METTL16: variants seen among roughly 807,000 people sequenced by gnomAD.
METTL16 encodes the protein RNA N(6)-adenosine-methyltransferase METTL16.
METTL16 carries 19 observed loss-of-function variants against 57.9 expected under a neutral mutation model. That is an observed-to-expected ratio of 0.33 (90% CI 0.23 to 0.48). The LOEUF (loss-of-function observed/expected upper bound fraction) is 0.48. Among genes scored for constraint, METTL16 ranks in the 20% least tolerant of loss-of-function variants. The pLI, the probability that METTL16 is intolerant of heterozygous loss-of-function variation, is 0.99. For synonymous variants in METTL16, 246 were observed against 255.6 expected (o/e 0.96, Z 0.36); for missense variants, 434 against 691.5 (o/e 0.63, Z 4.18).
At chr17:2,492,413 A>G (rs2067405294) in intron 2 of METTL16, among the ~76,000 whole-genome samples, 1 of 152,116 alleles carries the variant, frequency 6.6e-6, no homozygotes, top group Non-Finnish European at 1.5e-5. Context: ...AAGATATCAG[A>G]GTAGCAATCC....
chr17:2,428,602 T>TATTAAA lies in METTL16; in HGVS notation c.889-7699_889-7698insTTTAAT, dbSNP rs376112549. 3.3e-3 allele frequency among the ~76,000 whole-genome samples: 317 copies of TATTAAA among 94,926 alleles called. 21 individuals carry two copies. Among genetic ancestry groups the TATTAAA allele is most frequent in the African/African-American group, 7.3e-3 (156 of 21,410 alleles). The allele number at this position is 94,926 out of a possible 152,430, so 62.3% of individuals were successfully genotyped here. On this transcript the variant is annotated intron_variant, in intron 8 of 9. Coordinates refer to ENST00000263092, the MANE Select transcript of METTL16 (RefSeq NM_024086.4). ...ATATATATATATATATATATATATA[T>TATTAAA]AAATTGTAATACAGCGGGGCACAGT...
At chr17:2,436,746 G>C in intron 8 of METTL16, 1 of 151,986 alleles carries the variant, frequency 6.6e-6, no homozygotes, top group Non-Finnish European at 1.5e-5. Flanking sequence ...ACCTGGGAGG[G>C]AACTGTGAGA....
rs1448179366 is a variant in METTL16, at chr17:2,417,483, C to CTTCA, written c.*2483_*2486dup. The CTTCA allele has an allele frequency of 2.0e-5, 3 of 152,322 alleles. No homozygotes were observed. The East Asian group carries it at 5.8e-4, about 29-fold the overall frequency. 9.4% of individuals were successfully genotyped at this position (152,322 alleles called of 1,614,324 possible). ...CTGAGACACAGAAACACCTTCTGTG[C>CTTCA]TTCAATACACAGAGCATTCTCTGGA... On this transcript the variant is annotated 3_prime_UTR_variant, in exon 10 of 10. Transcript: ENST00000263092.
At chr17:2,498,761 T>TGGATGA (rs758886974) in intron 2 of METTL16, among the ~76,000 whole-genome samples, 4 of 151,412 alleles carry the variant, frequency 2.6e-5, no homozygotes, top group Admixed American at 6.6e-5. Context: ...AAAACTTTAG[T>TGGATGA]GGATGAGGAT....
In METTL16 at chr17:2,434,587, T is replaced by A. The variant is rs151295000; in HGVS notation, c.888+3522A>T. ...AATAATGATAAAAGCAGATGAGCTC[T>A]TTAAAATGAGAGGGAGGTCTCAAGT... is the stretch of plus-strand genomic sequence containing the variant. On this transcript the variant is annotated intron_variant, in intron 8 of 9. Coordinates refer to ENST00000263092, the MANE Select transcript of METTL16 (RefSeq NM_024086.4). Among the ~76,000 whole-genome samples, 6 of 152,328 alleles carry A rather than the reference T, an allele frequency of 3.9e-5. No homozygotes were observed. In the East Asian group the frequency reaches 1.2e-3, roughly 29 times the overall value.
At chr17:2,494,054 CTTTT>C (rs987253500) in intron 2 of METTL16, among the ~76,000 whole-genome samples, 1 of 152,106 alleles carries the variant, frequency 6.6e-6, no homozygotes, top group Admixed American at 6.5e-5. Flanking sequence ...AATTTCTTTT[CTTTT>C]TGTTTTTGAC....
chr17:2,447,772 C>A (rs1412001757), intron 6 of METTL16, among the ~76,000 whole-genome samples: 1 of 131,052 alleles, frequency 7.6e-6, no homozygotes, highest in Non-Finnish European at 1.6e-5. Context: ...CAGCCCCCCG[C>A]CCGGCCAGCC....
intron 4 of METTL16, among the ~76,000 whole-genome samples, chr17:2,471,478 G>A (rs1367900615): frequency 2.0e-5 from 3 of 152,116 alleles, no homozygotes; most frequent in Admixed American, 2.0e-4. Context: ...CAACAGTACT[G>A]TATACCATTC....
chr17:2,485,283 TAGCTGAGGGGAAACA>T (rs1454935887), intron 2 of METTL16, among the ~76,000 whole-genome samples: 1 of 152,216 alleles, frequency 6.6e-6, no homozygotes, highest in Admixed American at 6.5e-5. Context: ...TGGGACCGTC[TAGCTGAGGGGAAACA>T]AGCTGCGGGA....
intron 8 of METTL16, among the ~76,000 whole-genome samples, chr17:2,428,412 A>T (rs2066835663): frequency 6.6e-6 from 1 of 151,074 alleles, no homozygotes; most frequent in Non-Finnish European, 1.5e-5. Flanking sequence ...GCCTCAGTAG[A>T]GATAGTAAGT....
chr17:2,454,292 G>C (rs1323098223), intron 6 of METTL16, among the ~76,000 whole-genome samples: 1 of 152,102 alleles, frequency 6.6e-6, no homozygotes, highest in Non-Finnish European at 1.5e-5. Context: ...CAGGAAAGCA[G>C]AGGTTTGGGG....
rs371683262 is a variant in METTL16, at chr17:2,442,495, G to GA, written c.729-937dup. On this transcript the variant is annotated intron_variant, in intron 6 of 9. Coordinates refer to ENST00000263092, the MANE Select transcript of METTL16 (RefSeq NM_024086.4). ...TGAAACCCAAGTAAGAAGAAGAAAG[G>GA]AAAAAAAAAAAGATTAGAGCAGAAA... Among the ~76,000 whole-genome samples the GA allele has an allele frequency of 4.9e-3, 697 of 141,302 alleles. 6 individuals carry two copies. The highest frequency in any genetic ancestry group is 0.022 in the Middle Eastern group (6 of 270). 92.7% of individuals were successfully genotyped at this position (141,302 alleles called of 152,430 possible).
chr17:2,451,989 T>C (rs917439726), intron 6 of METTL16, among the ~76,000 whole-genome samples: 1 of 151,822 alleles, frequency 6.6e-6, no homozygotes, highest in African/African-American at 2.4e-5. Context: ...CTACAAAAAA[T>C]AGCTGGGCAT....
intron 6 of METTL16, among the ~76,000 whole-genome samples, chr17:2,447,455 GGT>G (rs2067010644): frequency 7.4e-6 from 1 of 135,490 alleles, no homozygotes; most frequent in Non-Finnish European, 1.6e-5. Context: ...AGGTGGGGGG[GGT>G]CAGCCCCCCG....
chr17:2,467,581 A>G (rs914454389), intron 5 of METTL16, among the ~76,000 whole-genome samples, 180 bp downstream of exon 5: 19 of 152,090 alleles, frequency 1.2e-4, no homozygotes, highest in African/African-American at 4.6e-4. Context: ...ATGGGCCATG[A>G]CGCCTGGCTA....
chr17:2,495,098 C>T (rs2067433051), intron 2 of METTL16, among the ~76,000 whole-genome samples: 1 of 150,930 alleles, frequency 6.6e-6, no homozygotes, highest in South Asian at 2.1e-4. Flanking sequence ...GCCTGTAATC[C>T]CAATACTTTC....
chr17:2,509,538 C>A (rs963388691), intron 1 of METTL16, among the ~76,000 whole-genome samples: 1 of 152,052 alleles, frequency 6.6e-6, no homozygotes, highest in East Asian at 1.9e-4. Flanking sequence ...CACAGTGAGA[C>A]CCTGTCTCAA....
intron 8 of METTL16, among the ~76,000 whole-genome samples, chr17:2,433,485 A>G (rs528600877): frequency 3.9e-5 from 6 of 152,306 alleles, no homozygotes; most frequent in Non-Finnish European, 7.3e-5. Context: ...TCCATAAGCA[A>G]GATGTGAGGC....
chr17:2,511,316 TAA>T (rs1017295403), intron 1 of METTL16, among the ~76,000 whole-genome samples: 1 of 151,948 alleles, frequency 6.6e-6, no homozygotes, highest in African/African-American at 2.4e-5. Context: ...ACACAGCCTG[TAA>T]AACAGTCTAA....
Sources: gnomAD v4.1 joint callset for allele counts (sites outside exome capture counted in the v4.1 genomes callset) on GRCh38, gnomAD v4.1.1 for gene constraint, MANE v1.5 for transcripts, NCBI Gene and HGNC (gene_info 2026-07-23, HGNC 2026-07-21) for gene names.